FAM151A: variants seen among roughly 807,000 people sequenced by gnomAD.
The protein encoded by FAM151A is family with sequence similarity 151 member A.
Under a neutral mutation model 40.4 loss-of-function variants are expected in FAM151A, and 41 were observed. That is an observed-to-expected ratio of 1.01 (90% CI 0.79 to 1.32). FAM151A has a LOEUF of 1.32. Ranked by LOEUF, FAM151A falls within the 40% of genes most tolerant of loss-of-function variation. FAM151A has a pLI of 0.00. For missense variants in FAM151A, 740 were observed against 740.4 expected (o/e 1.00, Z 0.01); for synonymous variants, 337 against 312.5 (o/e 1.08, Z -0.83).
chr1:54,620,271 G>A (rs1391252232), intron 1 of FAM151A, among the ~76,000 whole-genome samples: 1 of 152,236 alleles, frequency 6.6e-6, no homozygotes, highest in Non-Finnish European at 1.5e-5. Flanking sequence ...AGACCTTGAA[G>A]GATGGGTGTA....
chr1:54,611,671 G>C lies in FAM151A; in HGVS notation c.875C>G (p.Thr292Ser). The C allele has an allele frequency of 6.2e-7, 1 of 1,614,114 alleles. No individual in the cohort carries two copies. Residue 292 changes from threonine to serine, a missense_variant, in exon 6 of 8, where the codon ACT becomes AGT. By Grantham distance (58) the Thr-to-Ser change is moderately conservative. Coordinates refer to ENST00000302250, the MANE Select transcript of FAM151A (RefSeq NM_176782.3). ...GTCATAGTAGACTTGGTGGACAGCA[G>C]TGTTATCCCGGACGTAGAGCAGATC... ...VEDLLYVRDNTAVHQVYYDIF... is the reference protein window; with the variant it reads ...VEDLLYVRDNSAVHQVYYDIF...
intron 4 of FAM151A, 65 bp from the exon 5 acceptor site, chr1:54,612,775 C>G: frequency 8.1e-7 from 1 of 1,234,902 alleles, no homozygotes; most frequent in South Asian, 1.2e-5. Context: ...CCTCTGGGGT[C>G]TCATCACAGT....
Position 54,620,845 on chromosome 1 carries a change from CAAAAAAAA to C in FAM151A, c.119-846_119-839del, listed in dbSNP as rs767625864. ...CCTGGATGACACAAAGAGACTCTGTCAAAAAAAAAAAAAAAAAAAAAAAAAAAAAAAAG... is the reference window on the plus strand; with the variant it reads ...CCTGGATGACACAAAGAGACTCTGTCAAAAAAAAAAAAAAAAAAAAAAAAG... On this transcript the variant is annotated intron_variant, in intron 1 of 7. Coordinates refer to ENST00000302250, the MANE Select transcript of FAM151A (RefSeq NM_176782.3). Among the ~76,000 whole-genome samples the C allele has an allele frequency of 0.016, 192 of 12,084 alleles. No homozygotes were observed. In the East Asian group the frequency reaches 0.18, roughly 11 times the overall value. 7.9% of individuals were successfully genotyped at this position (12,084 alleles called of 152,430 possible). A position where few individuals can be genotyped will look rare whatever the true frequency, so the allele number is the denominator to read the frequency against.
At position 54,609,480 on chromosome 1, in the gene FAM151A, G is replaced by A. The variant is rs775911803; in HGVS notation, c.1546C>T (p.Leu516=). The change falls in exon 8 of 8, where the codon CTG becomes TTG. Residue 516 remains leucine (L), a synonymous_variant. Coordinates refer to ENST00000302250, the MANE Select transcript of FAM151A (RefSeq NM_176782.3). ...GCTCCAGCTGTGCTGTGGCCCAGCA[G>A]CATGGCCTGCATCTGGAAGGACACA... ...QPVSFQMQAM[L]LGHSTAGAIG... is the part of the protein sequence containing the mutation. 2 of 1,613,398 alleles carry A rather than the reference G, an allele frequency of 1.2e-6. No individual in the cohort carries two copies. Among genetic ancestry groups the A allele is most frequent in the South Asian group, 1.1e-5 (1 of 91,090 alleles).
chr1:54,610,184 C>T (rs1322865098), intron 7 of FAM151A: 1 of 1,433,088 alleles, frequency 7.0e-7, no homozygotes, highest in South Asian at 1.5e-5. Flanking sequence ...TGGTGCCGGC[C>T]TTGCCTGCAG....
Position 54,616,084 on chromosome 1 carries a change from G to A in FAM151A, c.351C>T (p.Pro117=), listed in dbSNP as rs753726688. ...CCAGTGTGTTGTCACTGTAGATAGT[G>A]GGGGGGTGTGCCATGATGGGAACTC... The part of the protein sequence containing the change: ...ETGVPIMAHP[P]TIYSDNTLEQ... The change falls in exon 3 of 8, where the codon CCC becomes CCT. Residue 117 remains proline (P), a synonymous_variant. Transcript: ENST00000302250. The A allele has an allele frequency of 7.4e-6, 12 of 1,613,362 alleles. No homozygotes were observed. The East Asian group carries it at 1.3e-4, about 18-fold the overall frequency.
chr1:54,620,333 G>T (rs1031489167), intron 1 of FAM151A, among the ~76,000 whole-genome samples: 1 of 152,228 alleles, frequency 6.6e-6, no homozygotes, highest in Non-Finnish European at 1.5e-5. Context: ...GAAAGCAAAG[G>T]CTTGGCTTCA....
In FAM151A at chr1:54,609,794, A is replaced by C; in HGVS notation, c.1232T>G (p.Ile411Ser). The C allele has an allele frequency of 6.2e-6, 10 of 1,614,154 alleles. No homozygotes were observed. Among genetic ancestry groups the C allele is most frequent in the Non-Finnish European group, 7.6e-6 (9 of 1,180,008 alleles). The change falls in exon 8 of 8, where the codon ATC becomes AGC. Residue 411 changes from isoleucine to serine, a missense_variant. By Grantham distance (142) the Ile-to-Ser change is moderately radical. Coordinates refer to ENST00000302250, the MANE Select transcript of FAM151A (RefSeq NM_176782.3). ...TGCGGGCTCCGCTATTTGCAAATGG[A>C]TGCCCCAGTGTCCGGGATGTGTGGC... ...QLATHPGHWG[I>S]HLQIAEPAAL...
Position 54,623,045 on chromosome 1 carries a change from G to A in FAM151A, c.118+233C>T, listed in dbSNP as rs189543252. On this transcript the variant is annotated intron_variant, in intron 1 of 7. Transcript: ENST00000302250. Reference sequence around the variant, plus strand: ...CAAAAAATTAGCTGGGCGTGGTGGCGGGTGCCTGTAATCCCAGCTACTCGG... The same window carrying A: ...CAAAAAATTAGCTGGGCGTGGTGGCAGGTGCCTGTAATCCCAGCTACTCGG... Among the ~76,000 whole-genome samples, 75 of 151,760 alleles carry A rather than the reference G, an allele frequency of 4.9e-4. 1 individual carries two copies. The South Asian group carries it at 0.01, about 20-fold the overall frequency.
In FAM151A at chr1:54,612,551, AG is replaced by A; in HGVS notation, c.734del (p.Pro245LeufsTer18). 1 of 1,614,068 alleles carries A rather than the reference AG, an allele frequency of 6.2e-7. No individual in the cohort carries two copies. The highest frequency in any genetic ancestry group is 2.2e-5 in the East Asian group (1 of 44,844). On this transcript the variant is annotated frameshift_variant, in exon 5 of 8. Coordinates refer to ENST00000302250, the MANE Select transcript of FAM151A (RefSeq NM_176782.3). LOFTEE classifies it high-confidence loss of function. Reference protein sequence around the residue: ...VGGVPQRVTFPVRSSMVRAAW... With the variant: ...VGGVPQRVTFXVRSSMVRAAW... ...CAGCCCGCACCATGGAAGACCGTAC[AG>A]GGAAGGTGACCCTCTGGGGCACTCC...
chr1:54,622,910 C>T (rs1644244357), intron 1 of FAM151A, among the ~76,000 whole-genome samples: 1 of 151,996 alleles, frequency 6.6e-6, no homozygotes, highest in African/African-American at 2.4e-5. Context: ...CATGATGACT[C>T]ACACCTGTAA....
Position 54,609,412 on chromosome 1 carries a change from T to C in FAM151A, c.1614A>G (p.Thr538=), listed in dbSNP as rs1348879497. 6.2e-7 allele frequency: 1 copy of C among 1,613,972 alleles called. No homozygotes were observed. The highest frequency in any genetic ancestry group is 1.7e-5 in the Admixed American group (1 of 60,016). ...LLASSPRATV[T]VEHNPAGGDY... ...CGCCCCCAGCTGGGTTGTGCTCCAC[T>C]GTGACGGTGGCCCGGGGGGAGGATG... The change falls in exon 8 of 8, where the codon ACA becomes ACG. Residue 538 remains threonine (T), a synonymous_variant. Transcript: ENST00000302250.
At position 54,611,690 on chromosome 1, in the gene FAM151A, G is replaced by A. The variant is rs1193689675; in HGVS notation, c.856C>T (p.Leu286Phe). 1 of 1,613,992 alleles carries A rather than the reference G, an allele frequency of 6.2e-7. No homozygotes were observed. Among genetic ancestry groups the A allele is most frequent in the Admixed American group, 1.7e-5 (1 of 59,994 alleles). ...ASDPMSVEDL[L>F]YVRDNTAVHQ... ...ACAGCAGTGTTATCCCGGACGTAGA[G>A]CAGATCTTCCACCGACATGGGGTCC... The change falls in exon 6 of 8, where the codon CTC (leucine) becomes TTC (phenylalanine). Residue 286 changes from leucine to phenylalanine, a missense_variant. Coordinates refer to ENST00000302250, the MANE Select transcript of FAM151A (RefSeq NM_176782.3).
chr1:54,613,378 CAA>C (rs544534443), intron 4 of FAM151A, among the ~76,000 whole-genome samples: 1 of 142,672 alleles, frequency 7.0e-6, no homozygotes, highest in Non-Finnish European at 1.5e-5. Flanking sequence ...GACTCCATCT[CAA>C]AAAAAAAAAA....
At chr1:54,622,349 G>A (rs1280474448) in intron 1 of FAM151A, among the ~76,000 whole-genome samples, 1 of 147,986 alleles carries the variant, frequency 6.8e-6, no homozygotes, top group Non-Finnish European at 1.5e-5. Context: ...GGGAGGCCAA[G>A]ATGGGCAGAT....
chr1:54,610,668 G>C, intron 6 of FAM151A, 113 bp from the exon 7 acceptor site: 2 of 1,465,628 alleles, frequency 1.4e-6, no homozygotes, highest in South Asian at 2.8e-5. Context: ...AAGCCTCATA[G>C]CACCCTGCCA....
chr1:54,622,509 C>CGGA (rs1402700661), intron 1 of FAM151A, among the ~76,000 whole-genome samples: 1 of 150,736 alleles, frequency 6.6e-6, no homozygotes, highest in East Asian at 2.0e-4. Context: ...ACCTGGGAGG[C>CGGA]GGAGGTTGCA....
At chr1:54,620,093 C>T (rs1435355841) in intron 1 of FAM151A, 86 bp from the exon 2 acceptor site, 5 of 1,430,724 alleles carry the variant, frequency 3.5e-6, no homozygotes, top group Non-Finnish European at 4.8e-6. Flanking sequence ...CCTCCCTGGG[C>T]TCCCACTGTG....
intron 2 of FAM151A, 29 bp downstream of exon 2, chr1:54,619,835 C>A (rs781675609): frequency 3.1e-6 from 5 of 1,611,080 alleles, no homozygotes; most frequent in Non-Finnish European, 4.2e-6. Context: ...CTTGCCCTGG[C>A]CTGCCTCAGT....
Sources: gnomAD v4.1 joint callset for allele counts (sites outside exome capture counted in the v4.1 genomes callset) on GRCh38, gnomAD v4.1.1 for gene constraint, MANE v1.5 for transcripts, NCBI Gene and HGNC (gene_info 2026-07-23, HGNC 2026-07-21) for gene names.